The following ANKS1B variants were observed in gnomAD, a reference collection of about 807,000 sequenced individuals.
ANKS1B encodes the protein ankyrin repeat and sterile alpha motif domain containing 1B, also known as ankyrin repeat and sterile alpha motif domain-containing protein 1B.
A neutral mutation model predicts 148.3 loss-of-function variants in ANKS1B; 36 were observed. That is an observed-to-expected ratio of 0.24 (90% CI 0.19 to 0.32). The LOEUF (loss-of-function observed/expected upper bound fraction) is 0.32. ANKS1B is among the 10% of genes least tolerant of loss of function. ANKS1B has a pLI of 1.00. For missense variants in ANKS1B, 1,157 were observed against 1,542.6 expected (o/e 0.75, Z 4.19); for synonymous variants, 542 against 560.8 (o/e 0.97, Z 0.47).
intron 12 of ANKS1B, among the ~76,000 whole-genome samples, chr12:99,313,653 C>G (rs1014482999): frequency 4.6e-5 from 7 of 152,130 alleles, no homozygotes; most frequent in African/African-American, 1.7e-4. Context: ...ATAAACAGAA[C>G]CAATGACAAA....
chr12:99,239,787 T>C (rs1337359636), intron 14 of ANKS1B, among the ~76,000 whole-genome samples: 1 of 152,208 alleles, frequency 6.6e-6, no homozygotes, highest in African/African-American at 2.4e-5. Flanking sequence ...AAAAGAATTT[T>C]CAACCCAGAA....
At chr12:98,956,314 C>T (rs1051280460) in intron 17 of ANKS1B, 1 of 152,334 alleles carries the variant, frequency 6.6e-6, no homozygotes, top group Admixed American at 6.5e-5. Context: ...TTTATGCTCT[C>T]ATTGTCTCTC....
At chr12:99,932,553 G>A (rs2094648437) in intron 1 of ANKS1B, among the ~76,000 whole-genome samples, 1 of 152,058 alleles carries the variant, frequency 6.6e-6, no homozygotes, top group Admixed American at 6.5e-5. Flanking sequence ...TCATATGCCT[G>A]TCTGCCATTT....
chr12:99,793,866 T>C (rs1488417446), intron 4 of ANKS1B, among the ~76,000 whole-genome samples: 2 of 151,620 alleles, frequency 1.3e-5, no homozygotes, highest in Non-Finnish European at 2.9e-5. Context: ...AAAGAAACAA[T>C]CAACAAAGTG....
intron 6 of ANKS1B, among the ~76,000 whole-genome samples, chr12:99,779,011 A>T (rs2153630512): frequency 6.6e-6 from 1 of 152,332 alleles, no homozygotes; most frequent in Middle Eastern, 3.4e-3. Flanking sequence ...ATCACTGCTG[A>T]ACAGGGTAGG....
At chr12:98,783,590 A>G (rs545060204) in intron 22 of ANKS1B, among the ~76,000 whole-genome samples, 4 of 152,172 alleles carry the variant, frequency 2.6e-5, no homozygotes, top group Admixed American at 6.5e-5. Context: ...ATGACGGCCT[A>G]TTAGGGGTGA....
intron 4 of ANKS1B, among the ~76,000 whole-genome samples, chr12:99,789,308 G>A (rs530153016): frequency 9.3e-4 from 141 of 152,208 alleles, no homozygotes; most frequent in African/African-American, 3.2e-3. Flanking sequence ...TGGGTTTGGG[G>A]CCCAAGTCCC....
chr12:99,201,898 T>C (rs2082110910), intron 14 of ANKS1B, among the ~76,000 whole-genome samples: 1 of 150,014 alleles, frequency 6.7e-6, no homozygotes, highest in African/African-American at 2.5e-5. Context: ...AAATAAACAC[T>C]GCTAAGTGGT....
At chr12:99,756,959 A>G (rs993968962) in intron 8 of ANKS1B, among the ~76,000 whole-genome samples, 7 of 148,658 alleles carry the variant, frequency 4.7e-5, no homozygotes, top group Non-Finnish European at 8.9e-5. Context: ...AGATGGATTA[A>G]AGACTTAAAT....
intron 14 of ANKS1B, among the ~76,000 whole-genome samples, chr12:99,173,022 A>T (rs1394248378): frequency 6.6e-6 from 1 of 152,206 alleles, no homozygotes; most frequent in Non-Finnish European, 1.5e-5. Flanking sequence ...TAAGTTAGGT[A>T]CTATCTAAAA....
At chr12:99,527,883 CAA>C (rs56298024) in intron 9 of ANKS1B, among the ~76,000 whole-genome samples, 110 of 139,380 alleles carry the variant, frequency 7.9e-4, no homozygotes, top group African/African-American at 7.6e-4. Context: ...CATATGGGAC[CAA>C]AAAAAAAAAA....
At chr12:98,750,410 CA>C (rs1181661517) in intron 26 of ANKS1B, among the ~76,000 whole-genome samples, 1 of 152,090 alleles carries the variant, frequency 6.6e-6, no homozygotes, top group Non-Finnish European at 1.5e-5. Context: ...AGAAGGGTGA[CA>C]GGGGTAGGCC....
At chr12:99,415,760 G>T (rs1216469575) in intron 11 of ANKS1B, among the ~76,000 whole-genome samples, 3 of 151,606 alleles carry the variant, frequency 2.0e-5, no homozygotes, top group South Asian at 2.1e-4. Context: ...CTCGGCTCAC[G>T]GCAAGCTCCG....
chr12:99,182,519 T>G (rs1212823569), intron 14 of ANKS1B, among the ~76,000 whole-genome samples: 1 of 152,232 alleles, frequency 6.6e-6, no homozygotes, highest in Non-Finnish European at 1.5e-5. Context: ...GGCTGAATAG[T>G]ACTCCATTGT....
chr12:99,225,618 G>A (rs1489778293), intron 14 of ANKS1B, among the ~76,000 whole-genome samples: 1 of 152,156 alleles, frequency 6.6e-6, no homozygotes, highest in African/African-American at 2.4e-5. Context: ...GAATAAAGTG[G>A]AATGGGCAGA....
chr12:99,604,948 T>C (rs986959319), intron 9 of ANKS1B, among the ~76,000 whole-genome samples: 2 of 151,982 alleles, frequency 1.3e-5, no homozygotes, highest in African/African-American at 4.8e-5. Flanking sequence ...GACTAATATG[T>C]GACCACATGA....
chr12:98,823,735 G>A (rs751350347), intron 19 of ANKS1B, among the ~76,000 whole-genome samples: 10 of 152,214 alleles, frequency 6.6e-5, no homozygotes, highest in African/African-American at 1.4e-4. Flanking sequence ...CAAGTGCTCC[G>A]CCCGCTTTGG....
chr12:99,821,503 A>G (rs368025427), intron 2 of ANKS1B, among the ~76,000 whole-genome samples: 27 of 152,148 alleles, frequency 1.8e-4, no homozygotes, highest in African/African-American at 6.5e-4. Flanking sequence ...TGGGCCATAG[A>G]AAAACATATC....
intron 8 of ANKS1B, among the ~76,000 whole-genome samples, chr12:99,748,208 A>G (rs967371483): frequency 3.3e-5 from 5 of 152,252 alleles, no homozygotes; most frequent in Non-Finnish European, 7.4e-5. Flanking sequence ...CCAGAAGTCT[A>G]TTAATATCTA....
Sources: allele counts gnomAD v4.1 joint callset (sites outside exome capture counted in the v4.1 genomes callset), GRCh38; gene constraint gnomAD v4.1.1; transcripts MANE v1.5; gene names NCBI Gene and HGNC (gene_info 2026-07-23, HGNC 2026-07-21).